Variants in DOCK2 observed in about 807,000 individuals in gnomAD.
DOCK2 encodes dedicator of cytokinesis protein 2.
DOCK2 carries 87 observed loss-of-function variants against 248.9 expected under a neutral mutation model. The observed-to-expected ratio is 0.35, with a 90% CI of 0.29 to 0.42. The LOEUF is 0.42. Among genes scored for constraint, DOCK2 ranks in the 10% least tolerant of loss-of-function variants. The pLI is 1.00. For synonymous variants in DOCK2, 805 were observed against 821.6 expected (o/e 0.98, Z 0.35); for missense variants, 1,747 against 2,300.2 (o/e 0.76, Z 4.92).
chr5:170,036,807 T>C (rs1756339272), intron 36 of DOCK2, among the ~76,000 whole-genome samples: 1 of 152,226 alleles, frequency 6.6e-6, no homozygotes, highest in African/African-American at 2.4e-5. Flanking sequence ...ATATTTTCCT[T>C]AAGAGTGAAT....
chr5:169,903,245 G>A (rs1339044827), intron 27 of DOCK2, among the ~76,000 whole-genome samples: 2 of 148,358 alleles, frequency 1.3e-5, no homozygotes, highest in African/African-American at 5.0e-5. Context: ...CCTATTAATA[G>A]CCAGTGCACT....
At chr5:169,697,414 C>T (rs753159022) in intron 10 of DOCK2, among the ~76,000 whole-genome samples, 2 of 152,156 alleles carry the variant, frequency 1.3e-5, no homozygotes, top group Non-Finnish European at 2.9e-5. Flanking sequence ...GTACCTCTTT[C>T]CCATTAGTTT....
intron 25 of DOCK2, among the ~76,000 whole-genome samples, chr5:169,792,697 A>T (rs973243896): frequency 2.6e-5 from 4 of 152,156 alleles, no homozygotes; most frequent in Non-Finnish European, 4.4e-5. Context: ...TGCTCCTTTC[A>T]TCACCAGGAT....
intron 27 of DOCK2, among the ~76,000 whole-genome samples, chr5:169,894,930 T>A (rs1773510254): frequency 6.6e-6 from 1 of 152,112 alleles, no homozygotes; most frequent in African/African-American, 2.4e-5. Flanking sequence ...CGTCTGCTGG[T>A]TTTGGTGTTG....
chr5:169,856,637 A>G (rs899453641), intron 27 of DOCK2, among the ~76,000 whole-genome samples: 4 of 152,226 alleles, frequency 2.6e-5, no homozygotes, highest in African/African-American at 9.6e-5. Context: ...ACCAAAGACA[A>G]TGACACCAGC....
chr5:170,061,950 G>A (rs575583118), intron 44 of DOCK2, among the ~76,000 whole-genome samples: 43 of 152,312 alleles, frequency 2.8e-4, no homozygotes, highest in Admixed American at 5.2e-4. Flanking sequence ...TTTCACCTTG[G>A]AGGACTATGG....
intron 25 of DOCK2, among the ~76,000 whole-genome samples, chr5:169,796,728 T>A (rs1307048390): frequency 1.3e-5 from 2 of 152,166 alleles, no homozygotes; most frequent in African/African-American, 2.4e-5. Context: ...CCTAGAGGAT[T>A]TGACATCTAA....
intron 48 of DOCK2, among the ~76,000 whole-genome samples, chr5:170,078,543 C>T (rs1171550499): frequency 2.0e-5 from 3 of 152,168 alleles, no homozygotes; most frequent in African/African-American, 7.2e-5. Flanking sequence ...CCTCAGACAT[C>T]ATCTCATGGC....
At chr5:169,959,996 T>A (rs189324896) in intron 27 of DOCK2, among the ~76,000 whole-genome samples, 2 of 152,362 alleles carry the variant, frequency 1.3e-5, no homozygotes, top group Admixed American at 1.3e-4. Flanking sequence ...TTCGACCATG[T>A]AAAGCTAGAT....
At chr5:169,795,166 A>C (rs1688115708) in intron 25 of DOCK2, among the ~76,000 whole-genome samples, 1 of 152,162 alleles carries the variant, frequency 6.6e-6, no homozygotes, top group Non-Finnish European at 1.5e-5. Context: ...TTTTACGTTC[A>C]ATATAAAGGA....
At chr5:169,648,069 AGTGT>A (rs1179337541) in intron 1 of DOCK2, among the ~76,000 whole-genome samples, 1 of 152,050 alleles carries the variant, frequency 6.6e-6, no homozygotes, top group Non-Finnish European at 1.5e-5. Flanking sequence ...TGAGTGCAAG[AGTGT>A]GTGAGAATGT....
At chr5:169,991,569 A>T (rs1778206514) in intron 29 of DOCK2, among the ~76,000 whole-genome samples, 1 of 152,240 alleles carries the variant, frequency 6.6e-6, no homozygotes, top group Non-Finnish European at 1.5e-5. Context: ...CTATATCCAT[A>T]AGACCACCCA....
At chr5:169,717,266 G>A in intron 20 of DOCK2, 118 bp from the exon 21 acceptor site, 2 of 765,040 alleles carry the variant, frequency 2.6e-6, no homozygotes, top group Admixed American at 3.9e-5. Flanking sequence ...AACTCATTAT[G>A]TATTAGTGAG....
In DOCK2 at chr5:170,067,459, T is replaced by A. The variant is rs1221557902; in HGVS notation, c.4468-51T>A. 3 of 1,568,164 alleles carry A rather than the reference T, an allele frequency of 1.9e-6. No homozygotes were observed. The African/African-American group carries it at 4.1e-5, about 21-fold the overall frequency. On this transcript the variant is annotated intron_variant, in intron 44 of 51. Coordinates refer to ENST00000520908, the MANE Select transcript of DOCK2 (RefSeq NM_004946.3). ...AATCAATACCAATAATATCTGTTTTTAAAGTGACTTAACTAAGGCCCTTTC... is the reference window on the plus strand; with the variant it reads ...AATCAATACCAATAATATCTGTTTTAAAAGTGACTTAACTAAGGCCCTTTC...
chr5:169,832,343 G>A (rs138324791), intron 26 of DOCK2, among the ~76,000 whole-genome samples: 2 of 152,310 alleles, frequency 1.3e-5, no homozygotes, highest in African/African-American at 4.8e-5. Flanking sequence ...AATACAAAGT[G>A]CAAGACATGT....
chr5:169,968,977 T>C (rs915212700), intron 27 of DOCK2, among the ~76,000 whole-genome samples: 10 of 152,136 alleles, frequency 6.6e-5, no homozygotes, highest in Non-Finnish European at 1.2e-4. Context: ...GGTGATACCA[T>C]GCCTCTACAA....
chr5:169,828,935 T>G (rs1769049890), intron 26 of DOCK2, among the ~76,000 whole-genome samples: 1 of 152,224 alleles, frequency 6.6e-6, no homozygotes, highest in South Asian at 2.1e-4. Flanking sequence ...TACCAATGAT[T>G]CACAATCTAT....
intron 34 of DOCK2, among the ~76,000 whole-genome samples, chr5:170,032,046 A>T (rs1324644180): frequency 3.1e-5 from 4 of 129,826 alleles, no homozygotes; most frequent in Non-Finnish European, 6.3e-5. Flanking sequence ...TTTTTTTTTG[A>T]GACGGAGTCT....
chr5:169,731,429 G>C (rs572179074), intron 22 of DOCK2, among the ~76,000 whole-genome samples: 1 of 152,244 alleles, frequency 6.6e-6, no homozygotes, highest in East Asian at 1.9e-4. Context: ...GCTGCCATCC[G>C]TGTAAAACGT....
Sources: allele counts gnomAD v4.1 joint callset (sites outside exome capture counted in the v4.1 genomes callset), GRCh38; gene constraint gnomAD v4.1.1; transcripts MANE v1.5; gene names NCBI Gene and HGNC (gene_info 2026-07-23, HGNC 2026-07-21).